LUZP2: variants seen among roughly 807,000 people sequenced by gnomAD.
The protein encoded by LUZP2 is leucine zipper protein 2.
In LUZP2, 52 loss-of-function variants were observed where a neutral mutation model predicts 51.6. The ratio of observed to expected loss-of-function variants is 1.01; its 90% CI spans 0.81 to 1.27. LUZP2 has a LOEUF of 1.27. Among genes scored for constraint, LUZP2 ranks in the 50% most tolerant of loss-of-function variants. The probability of loss-of-function intolerance (pLI) is 0.00; values close to 1 mark genes in which losing one functional copy is unlikely to be tolerated. For synonymous variants in LUZP2, 154 were observed against 137.3 expected, an observed-to-expected ratio of 1.12 and a Z score of -0.85; for missense variants, 436 against 395.4, an observed-to-expected ratio of 1.10 and a Z score of -0.87.
intron 4 of LUZP2, among the ~76,000 whole-genome samples, 170 bp downstream of exon 4, chr11:24,738,472 G>C (rs1859022575): frequency 6.6e-6 from 1 of 152,052 alleles, no homozygotes; most frequent in African/African-American, 2.4e-5. Context: ...TTTCATTCCT[G>C]GAAAAGGTTA....
chr11:24,850,722 T>C (rs1484788087), intron 5 of LUZP2, among the ~76,000 whole-genome samples: 1 of 152,190 alleles, frequency 6.6e-6, no homozygotes, highest in East Asian at 1.9e-4. Context: ...ATATGTCCAT[T>C]TTCACGATAT....
chr11:24,858,871 C>T (rs906099966), intron 5 of LUZP2, among the ~76,000 whole-genome samples: 1 of 152,116 alleles, frequency 6.6e-6, no homozygotes, highest in Non-Finnish European at 1.5e-5. Context: ...GGGGATTATT[C>T]TTTAGTTTAT....
intron 9 of LUZP2, among the ~76,000 whole-genome samples, chr11:25,003,030 G>A (rs771778605): frequency 1.3e-5 from 2 of 152,184 alleles, no homozygotes; most frequent in Admixed American, 6.5e-5. Flanking sequence ...TCCTTACGGA[G>A]GGCCCTGGTT....
chr11:24,554,617 T>C (rs1851812478), intron 1 of LUZP2, among the ~76,000 whole-genome samples: 1 of 152,010 alleles, frequency 6.6e-6, no homozygotes, highest in Non-Finnish European at 1.5e-5. Context: ...GAGTGAATGA[T>C]CATTATTGAT....
chr11:24,743,003 T>C (rs2133993114), intron 4 of LUZP2, among the ~76,000 whole-genome samples: 1 of 152,152 alleles, frequency 6.6e-6, no homozygotes, highest in African/African-American at 2.4e-5. Flanking sequence ...AGTTGGCTGT[T>C]AAGTATTAGG....
At chr11:24,710,288 C>G (rs1857762425) in intron 1 of LUZP2, among the ~76,000 whole-genome samples, 1 of 151,990 alleles carries the variant, frequency 6.6e-6, no homozygotes, top group South Asian at 2.1e-4. Context: ...GAGCTTTTCC[C>G]CCTTCTTTTA....
intron 1 of LUZP2, among the ~76,000 whole-genome samples, chr11:24,625,015 C>A (rs767497380): frequency 2.6e-4 from 40 of 152,078 alleles, no homozygotes; most frequent in Non-Finnish European, 5.6e-4. Context: ...AGAAGGAAAT[C>A]CTGTCATTCC....
At chr11:24,651,565 T>C (rs1855624362) in intron 1 of LUZP2, among the ~76,000 whole-genome samples, 1 of 152,116 alleles carries the variant, frequency 6.6e-6, no homozygotes, top group South Asian at 2.1e-4. Flanking sequence ...AAATAAGGTT[T>C]GAAGAAGCAG....
At chr11:24,780,432 G>A (rs1351154799) in intron 5 of LUZP2, among the ~76,000 whole-genome samples, 1 of 152,098 alleles carries the variant, frequency 6.6e-6, no homozygotes, top group African/African-American at 2.4e-5. Flanking sequence ...GTGTGGAAAA[G>A]ACCTCTTAAA....
chr11:24,666,571 G>C (rs1408587878), intron 1 of LUZP2, among the ~76,000 whole-genome samples: 1 of 152,070 alleles, frequency 6.6e-6, no homozygotes, highest in Non-Finnish European at 1.5e-5. Flanking sequence ...GAATGCAGGA[G>C]CTATTCTCAG....
intron 9 of LUZP2, among the ~76,000 whole-genome samples, chr11:25,019,323 A>G (rs1255920604): frequency 6.6e-6 from 1 of 152,198 alleles, no homozygotes; most frequent in Non-Finnish European, 1.5e-5. Context: ...ACATGAGAGT[A>G]AACAGAATCA....
chr11:24,936,216 G>C (rs536782735), intron 7 of LUZP2, among the ~76,000 whole-genome samples: 36 of 152,216 alleles, frequency 2.4e-4, no homozygotes, highest in Non-Finnish European at 5.1e-4. Context: ...GGAAGCAAGG[G>C]CTGAACCCCT....
At chr11:24,602,166 G>GTATATATGTATATA (rs1338367271) in intron 1 of LUZP2, among the ~76,000 whole-genome samples, 3 of 94,712 alleles carry the variant, frequency 3.2e-5, no homozygotes, top group East Asian at 2.3e-4. Context: ...ATGTATATAT[G>GTATATATGTATATA]TGTATATATA....
At chr11:24,737,568 G>T (rs1044454377) in intron 3 of LUZP2, among the ~76,000 whole-genome samples, 22 of 151,924 alleles carry the variant, frequency 1.4e-4, no homozygotes, top group African/African-American at 5.1e-4. Flanking sequence ...AAATCCTTAA[G>T]AGAAATGCAA....
chr11:24,542,894 A>T (rs2133722556), intron 1 of LUZP2, among the ~76,000 whole-genome samples: 1 of 151,814 alleles, frequency 6.6e-6, no homozygotes. Context: ...CTTTGAAATA[A>T]TGAACAAAAA....
At chr11:24,666,148 A>G (rs2133992148) in intron 1 of LUZP2, among the ~76,000 whole-genome samples, 1 of 152,172 alleles carries the variant, frequency 6.6e-6, no homozygotes, top group Admixed American at 6.5e-5. Context: ...GAAATGGGGG[A>G]AGGTCTGCTT....
chr11:24,533,106 G>A (rs545440737), intron 1 of LUZP2, among the ~76,000 whole-genome samples: 4 of 151,304 alleles, frequency 2.6e-5, no homozygotes, highest in South Asian at 2.1e-4. Flanking sequence ...CATATTGCCT[G>A]TATGTGTAGA....
chr11:24,814,908 C>A (rs797005116), intron 5 of LUZP2, among the ~76,000 whole-genome samples: 1 of 150,230 alleles, frequency 6.7e-6, no homozygotes, highest in Non-Finnish European at 1.5e-5. Flanking sequence ...AGGAGAATGA[C>A]ATGAACCCGG....
At chr11:24,667,668 C>G (rs1856262298) in intron 1 of LUZP2, among the ~76,000 whole-genome samples, 1 of 152,058 alleles carries the variant, frequency 6.6e-6, no homozygotes, top group Non-Finnish European at 1.5e-5. Flanking sequence ...GCATTTAACT[C>G]CCAAAAACCC....
Sources: allele counts gnomAD v4.1 joint callset (sites outside exome capture counted in the v4.1 genomes callset), GRCh38; gene constraint gnomAD v4.1.1; transcripts MANE v1.5; gene names NCBI Gene and HGNC (gene_info 2026-07-23, HGNC 2026-07-21).